The following IGF2BP3 variants were observed in gnomAD, a reference collection of about 807,000 sequenced individuals.
IGF2BP3 encodes insulin-like growth factor 2 mRNA-binding protein 3.
In IGF2BP3, 9 loss-of-function variants were observed where a neutral mutation model predicts 73.8. The ratio of observed to expected loss-of-function variants is 0.12; its 90% CI spans 0.07 to 0.21. IGF2BP3 has a LOEUF of 0.21. Ranked by LOEUF, IGF2BP3 falls within the 10% of genes least tolerant of loss-of-function variation. The pLI is 1.00. For missense variants in IGF2BP3, 542 were observed against 714.0 expected (o/e 0.76, Z 2.75); for synonymous variants, 258 against 256.7 (o/e 1.01, Z -0.05).
intron 10 of IGF2BP3, among the ~76,000 whole-genome samples, chr7:23,336,043 G>C (rs1485463349): frequency 1.3e-5 from 2 of 152,112 alleles, no homozygotes; most frequent in South Asian, 2.1e-4. Flanking sequence ...GGAACTAGTA[G>C]GCAAAGTTCT....
chr7:23,358,862 G>A (rs1204145583), intron 5 of IGF2BP3, among the ~76,000 whole-genome samples: 2 of 152,144 alleles, frequency 1.3e-5, no homozygotes, highest in Non-Finnish European at 2.9e-5. Context: ...CTTGCAGAGG[G>A]AGTGAGAACA....
At chr7:23,434,938 T>C (rs1276988019) in intron 2 of IGF2BP3, among the ~76,000 whole-genome samples, 5 of 152,126 alleles carry the variant, frequency 3.3e-5, no homozygotes, top group Admixed American at 6.6e-5. Context: ...GAATAAAACC[T>C]TGGCCAAAGT....
chr7:23,416,194 G>C (rs1345158111), intron 3 of IGF2BP3: 1 of 151,990 alleles, frequency 6.6e-6, no homozygotes, highest in Non-Finnish European at 1.5e-5. Flanking sequence ...ATAATTCCAA[G>C]TCTGACCTCA....
intron 2 of IGF2BP3, among the ~76,000 whole-genome samples, chr7:23,432,079 G>T (rs756826301): frequency 2.6e-5 from 4 of 152,150 alleles, no homozygotes; most frequent in Non-Finnish European, 5.9e-5. Context: ...CCAGCTCCCA[G>T]ATCTCCATGG....
At position 23,312,400 on chromosome 7, in the gene IGF2BP3, C is replaced by T. The variant is rs534587450; in HGVS notation, c.1702G>A (p.Ala568Thr). 2 of 1,613,538 alleles carry T rather than the reference C, an allele frequency of 1.2e-6. No homozygotes were observed. The highest frequency in any genetic ancestry group is 2.2e-5 in the East Asian group (1 of 44,882). ...GACTGAGGTGGTCCACTTTGCAGAG[C>T]CTTCTGTTGTTGGTGCTGCTTTACC... ...TQVKQHQQQK[A>T]LQSGPPQSRR... The change falls in exon 15 of 15, where the codon GCT becomes ACT. Residue 568 changes from alanine to threonine, a missense_variant. Ala to Thr is a moderately conservative substitution (Grantham distance 58). This residue lies in a region of IGF2BP3 where 303 missense variants were observed against 472.1 expected (regional missense o/e 0.64). Coordinates refer to ENST00000258729, the MANE Select transcript of IGF2BP3 (RefSeq NM_006547.3).
chr7:23,367,781 A>G lies in IGF2BP3; in HGVS notation c.286-6040T>C, dbSNP rs529343206. Among the ~76,000 whole-genome samples the G allele has an allele frequency of 2.6e-5, 4 of 152,232 alleles. No individual in the cohort carries two copies. In the South Asian group the frequency reaches 8.3e-4, roughly 32 times the overall value. ...TTTGGGTGGCCGAGGTGGGTGGATC[A>G]CTTGAGGTCAGGAGTTTGAGACCAG... On this transcript the variant is annotated intron_variant, in intron 3 of 14. Transcript: ENST00000258729.
chr7:23,314,609 A>AT (rs1021318761), intron 12 of IGF2BP3, among the ~76,000 whole-genome samples: 29 of 151,666 alleles, frequency 1.9e-4, no homozygotes, highest in South Asian at 1.0e-3. Context: ...ACCTGGTCAC[A>AT]TTTTTTTTGA....
At chr7:23,385,536 T>G (rs1786055468) in intron 3 of IGF2BP3, among the ~76,000 whole-genome samples, 1 of 151,888 alleles carries the variant, frequency 6.6e-6, no homozygotes, top group South Asian at 2.1e-4. Flanking sequence ...CTGAGGAACA[T>G]GTACTGTACT....
chr7:23,330,455 G>A (rs1784416081), intron 10 of IGF2BP3, among the ~76,000 whole-genome samples: 1 of 151,590 alleles, frequency 6.6e-6, no homozygotes, highest in Admixed American at 6.6e-5. Flanking sequence ...CCTCTCACAA[G>A]TCCCTTGATT....
intron 3 of IGF2BP3, among the ~76,000 whole-genome samples, chr7:23,365,098 G>C (rs182846976): frequency 0.01 from 1,531 of 152,182 alleles, 15 homozygotes; most frequent in Middle Eastern, 0.027. Flanking sequence ...CCTGGGAGGT[G>C]GAGGTGGCAG....
chr7:23,360,296 T>C (rs578237410), intron 5 of IGF2BP3, among the ~76,000 whole-genome samples: 1 of 152,176 alleles, frequency 6.6e-6, no homozygotes, highest in Non-Finnish European at 1.5e-5. Context: ...GGAAACAACC[T>C]AAATATCCAA....
At chr7:23,354,744 G>A (rs1785050121) in intron 5 of IGF2BP3, among the ~76,000 whole-genome samples, 1 of 152,168 alleles carries the variant, frequency 6.6e-6, no homozygotes. Context: ...GTGGCCCGGG[G>A]CTCTAGTCCC....
chr7:23,429,444 T>C (rs1787611666), intron 2 of IGF2BP3, among the ~76,000 whole-genome samples: 1 of 152,218 alleles, frequency 6.6e-6, no homozygotes, highest in Non-Finnish European at 1.5e-5. Flanking sequence ...CATATGTATT[T>C]GAGCATTCTG....
chr7:23,351,653 C>A, intron 5 of IGF2BP3, 67 bp from the exon 6 acceptor site: 1 of 1,525,504 alleles, frequency 6.6e-7, no homozygotes, highest in Admixed American at 1.8e-5. Flanking sequence ...TTTAGCAAAG[C>A]AACACCCATC....
chr7:23,361,546 T>A lies in IGF2BP3; in HGVS notation c.389A>T (p.Asp130Val). ...AVVNVTYSSKDQARQALDKLN... is the reference protein window; with the variant it reads ...AVVNVTYSSKVQARQALDKLN... Reference sequence around the variant, plus strand: ...TCAAGCTGCTTACTGTCTAGCTTGGTCCTTACTGGAATAGGTTACATTTAC... The same window carrying A: ...TCAAGCTGCTTACTGTCTAGCTTGGACCTTACTGGAATAGGTTACATTTAC... Residue 130 changes from aspartate (D) to valine (V), a missense_variant, in exon 5 of 15, where the codon GAC becomes GTC. Transcript: ENST00000258729. The A allele has an allele frequency of 6.2e-7, 1 of 1,612,136 alleles. No individual in the cohort carries two copies. Among genetic ancestry groups the A allele is most frequent in the South Asian group, 1.1e-5 (1 of 91,006 alleles).
Position 23,375,852 on chromosome 7 carries a change from C to T in IGF2BP3, c.286-14111G>A, listed in dbSNP as rs557746050. Among the ~76,000 whole-genome samples the T allele has an allele frequency of 5.3e-5, 8 of 152,234 alleles. No individual in the cohort carries two copies. In the East Asian group the frequency reaches 1.5e-3, roughly 29 times the overall value. On this transcript the variant is annotated intron_variant, in intron 3 of 14. Coordinates refer to ENST00000258729, the MANE Select transcript of IGF2BP3 (RefSeq NM_006547.3). ...AAGTCAATAATGATAGGAATGTTTC[C>T]TACAAGAATTAGTCCTTCAGGTGTG... is the stretch of plus-strand genomic sequence containing the variant.
At chr7:23,436,999 G>A (rs1675055618) in intron 2 of IGF2BP3, among the ~76,000 whole-genome samples, 1 of 151,650 alleles carries the variant, frequency 6.6e-6, no homozygotes, top group African/African-American at 2.4e-5. Flanking sequence ...TGCGCCTGTA[G>A]TCCCAGCTAT....
chr7:23,389,342 A>G (rs986499500), intron 3 of IGF2BP3, among the ~76,000 whole-genome samples: 1 of 151,930 alleles, frequency 6.6e-6, no homozygotes, highest in Non-Finnish European at 1.5e-5. Context: ...TGTATTTTTT[A>G]GTAGAGAAGG....
rs116872778 is a variant in IGF2BP3 at position 23,311,465 on chromosome 7, C to T, written c.*897G>A. ...AAACCAGCCGTTCCAAAATCTCCTG[C>T]GACCACTTTGTTAGTACCGTCAAAA... is the stretch of plus-strand genomic sequence containing the variant. On this transcript the variant is annotated 3_prime_UTR_variant, in exon 15 of 15. Transcript: ENST00000258729. The T allele has an allele frequency of 0.016, 2,399 of 152,618 alleles. 32 individuals carry two copies. Among genetic ancestry groups the T allele is most frequent in the Non-Finnish European group, 0.023 (1,597 of 68,008 alleles). The allele number at this position is 152,618 out of a possible 1,614,324, so 9.5% of individuals were successfully genotyped here. A position where few individuals can be genotyped will look rare whatever the true frequency, so the allele number is the denominator to read the frequency against.
Sources: allele counts gnomAD v4.1 joint callset (sites outside exome capture counted in the v4.1 genomes callset), GRCh38; gene constraint gnomAD v4.1.1; regional missense constraint gnomAD v4.1.1; transcripts MANE v1.5; gene names NCBI Gene and HGNC (gene_info 2026-07-23, HGNC 2026-07-21).